The following AFG1L variants were observed in gnomAD, a reference collection of about 807,000 sequenced individuals.
AFG1L encodes the protein AFG1-like ATPase.
A neutral mutation model predicts 62.2 loss-of-function variants in AFG1L; 53 were observed. The observed-to-expected ratio is 0.85, with a 90% CI of 0.68 to 1.07. The LOEUF is 1.07. AFG1L is among the 50% of genes least tolerant of loss of function. The probability of loss-of-function intolerance (pLI) is 0.00; values close to 1 mark genes in which losing one functional copy is unlikely to be tolerated. For synonymous variants in AFG1L, 228 were observed against 210.3 expected, an observed-to-expected ratio of 1.08 and a Z score of -0.73; for missense variants, 555 against 590.5, an observed-to-expected ratio of 0.94 and a Z score of 0.62.
At chr6:108,316,505 A>T (rs912094701) in intron 1 of AFG1L, among the ~76,000 whole-genome samples, 8 of 150,816 alleles carry the variant, frequency 5.3e-5, no homozygotes, top group African/African-American at 1.9e-4. Context: ...TTGACAAATA[A>T]TTGTATATAT....
At position 108,322,888 on chromosome 6, in the gene AFG1L, A is replaced by G. The variant is rs78308978; in HGVS notation, c.140-937A>G. Reference sequence around the variant, plus strand: ...CCTGCCCCACATAAGGAATGGAATTATGGTTGGACCTCGCCACAATCATTT... The same window carrying G: ...CCTGCCCCACATAAGGAATGGAATTGTGGTTGGACCTCGCCACAATCATTT... On this transcript the variant is annotated intron_variant, in intron 1 of 12. Coordinates refer to ENST00000368977, the MANE Select transcript of AFG1L (RefSeq NM_145315.5). Among the ~76,000 whole-genome samples, 9 of 152,344 alleles carry G rather than the reference A, an allele frequency of 5.9e-5. No individual in the cohort carries two copies. The East Asian group carries it at 1.7e-3, about 29-fold the overall frequency.
intron 1 of AFG1L, among the ~76,000 whole-genome samples, chr6:108,316,826 T>C (rs1230905721): frequency 3.3e-5 from 5 of 152,112 alleles, no homozygotes; most frequent in Admixed American, 2.0e-4. Flanking sequence ...GCCACCGCGC[T>C]CGGCCCGCTC....
intron 10 of AFG1L, among the ~76,000 whole-genome samples, chr6:108,495,831 G>A (rs954850309): frequency 5.3e-5 from 8 of 152,192 alleles, no homozygotes; most frequent in Admixed American, 2.0e-4. Flanking sequence ...AAACCATCGA[G>A]TAAGTGGATT....
chr6:108,365,490 TTG>T (rs374547901), intron 5 of AFG1L, among the ~76,000 whole-genome samples: 2,827 of 98,022 alleles, frequency 0.029, 167 homozygotes, highest in African/African-American at 0.12. Flanking sequence ...GTGGTTTTTT[TTG>T]TTTTTTTTTT....
At position 108,389,101 on chromosome 6, in the gene AFG1L, C is replaced by T. The variant is rs1164640274; in HGVS notation, c.749-12895C>T. On this transcript the variant is annotated intron_variant, in intron 6 of 12. Coordinates refer to ENST00000368977, the MANE Select transcript of AFG1L (RefSeq NM_145315.5). ...ATATATTTAGGAGAGTTAGCTCTTC[C>T]TGTTGAATTGATCCCTTTACCATTA... Among the ~76,000 whole-genome samples the T allele has an allele frequency of 6.6e-5, 10 of 152,198 alleles. No homozygotes were observed. The East Asian group carries it at 9.7e-4, about 15-fold the overall frequency.
intron 1 of AFG1L, among the ~76,000 whole-genome samples, chr6:108,305,199 G>T (rs1362278477): frequency 6.6e-6 from 1 of 152,146 alleles, no homozygotes; most frequent in Admixed American, 6.5e-5. Context: ...TTCTGGAGAG[G>T]CTCATTATAT....
In AFG1L at chr6:108,424,108, A is replaced by T. The variant is rs183825250; in HGVS notation, c.807+22054A>T. Among the ~76,000 whole-genome samples the T allele has an allele frequency of 2.2e-3, 328 of 152,160 alleles. 6 individuals carry two copies. Among genetic ancestry groups the T allele is most frequent in the Non-Finnish European group, 5.2e-4 (35 of 67,954 alleles). On this transcript the variant is annotated intron_variant, in intron 7 of 12. Transcript: ENST00000368977. Reference sequence around the variant, plus strand: ...CTTTTCTTTTTTTCTGGTTTCCATGATGTAACAGAAAAATCAATGGGATGA... The same window carrying T: ...CTTTTCTTTTTTTCTGGTTTCCATGTTGTAACAGAAAAATCAATGGGATGA...
At chr6:108,455,027 G>T (rs1377747070) in intron 8 of AFG1L, among the ~76,000 whole-genome samples, 1 of 152,178 alleles carries the variant, frequency 6.6e-6, no homozygotes, top group East Asian at 1.9e-4. Flanking sequence ...TCTGACTGTT[G>T]TCTGGCTAAT....
At chr6:108,349,836 G>C (rs1779011201) in intron 3 of AFG1L, among the ~76,000 whole-genome samples, 1 of 152,138 alleles carries the variant, frequency 6.6e-6, no homozygotes, top group African/African-American at 2.4e-5. Context: ...AGGATCACTT[G>C]AGCCTGGGAG....
At chr6:108,414,353 T>A (rs377019360) in intron 7 of AFG1L, among the ~76,000 whole-genome samples, 1 of 152,080 alleles carries the variant, frequency 6.6e-6, no homozygotes, top group Non-Finnish European at 1.5e-5. Flanking sequence ...ACAAAGAGGA[T>A]CTGGTACCAT....
In AFG1L at chr6:108,402,041, T is replaced by C; in HGVS notation, c.794T>C (p.Ile265Thr). ...GLQRANFVPFIAVLKEYCNTV... is the reference protein window; with the variant it reads ...GLQRANFVPFTAVLKEYCNTV... ...CAAAGAGCTAACTTTGTACCATTCA[T>C]AGCAGTCTTGAAGGTAAAAACAAAT... Residue 265 changes from isoleucine to threonine, a missense_variant, in exon 7 of 13, where the codon ATA (isoleucine) becomes ACA (threonine). Ile to Thr is a moderately conservative substitution (Grantham distance 89). Transcript: ENST00000368977. 1 of 1,510,882 alleles carries C rather than the reference T, an allele frequency of 6.6e-7. No homozygotes were observed. The highest frequency in any genetic ancestry group is 8.9e-7 in the Non-Finnish European group (1 of 1,121,860). 93.6% of individuals were successfully genotyped at this position (1,510,882 alleles called of 1,614,324 possible).
At chr6:108,330,669 C>T (rs964815463) in intron 2 of AFG1L, among the ~76,000 whole-genome samples, 2 of 152,122 alleles carry the variant, frequency 1.3e-5, no homozygotes, top group Non-Finnish European at 2.9e-5. Flanking sequence ...GAAGACAGAT[C>T]ACTCAAGAAC....
chr6:108,369,533 A>G (rs1443183508), intron 6 of AFG1L, among the ~76,000 whole-genome samples: 3 of 152,288 alleles, frequency 2.0e-5, no homozygotes, highest in African/African-American at 7.2e-5. Context: ...TATTAAAAAA[A>G]GGTGGGAGGG....
intron 6 of AFG1L, among the ~76,000 whole-genome samples, chr6:108,400,720 A>T (rs1488057782): frequency 2.4e-5 from 3 of 124,330 alleles, no homozygotes; most frequent in Admixed American, 1.0e-4. Flanking sequence ...TATTTAATAT[A>T]TATTATATAT....
intron 8 of AFG1L, among the ~76,000 whole-genome samples, chr6:108,464,480 A>G (rs993465930): frequency 2.6e-5 from 4 of 152,178 alleles, no homozygotes; most frequent in Non-Finnish European, 5.9e-5. Flanking sequence ...CAAAGCACTC[A>G]GGCTTTTCAT....
At chr6:108,482,359 T>C (rs1773357213) in intron 10 of AFG1L, among the ~76,000 whole-genome samples, 1 of 152,208 alleles carries the variant, frequency 6.6e-6, no homozygotes, top group Admixed American at 6.5e-5. Context: ...GTTAAAATTT[T>C]TTAATAGATT....
chr6:108,458,640 CT>C (rs1285613348), intron 8 of AFG1L, among the ~76,000 whole-genome samples: 1 of 151,986 alleles, frequency 6.6e-6, no homozygotes, highest in Non-Finnish European at 1.5e-5. Flanking sequence ...CTTCTTTGTT[CT>C]TATACTCATG....
intron 8 of AFG1L, among the ~76,000 whole-genome samples, chr6:108,473,262 G>C (rs948867463): frequency 6.6e-6 from 1 of 152,088 alleles, no homozygotes; most frequent in Non-Finnish European, 1.5e-5. Context: ...ACTTAGGAGA[G>C]GTGACCTGAT....
intron 7 of AFG1L, among the ~76,000 whole-genome samples, chr6:108,444,465 G>A (rs958391736): frequency 1.3e-5 from 2 of 152,136 alleles, no homozygotes; most frequent in Admixed American, 6.5e-5. Flanking sequence ...TATATAGATT[G>A]ACTCTTCCTT....
Sources: gnomAD v4.1 joint callset for allele counts (sites outside exome capture counted in the v4.1 genomes callset) on GRCh38, gnomAD v4.1.1 for gene constraint, MANE v1.5 for transcripts, NCBI Gene and HGNC (gene_info 2026-07-23, HGNC 2026-07-21) for gene names.